The following PDGFRB variants were observed in gnomAD, a reference collection of about 807,000 sequenced individuals.
PDGFRB encodes the protein platelet-derived growth factor receptor beta.
In PDGFRB, 42 loss-of-function variants were observed where a neutral mutation model predicts 120.2. That is an observed-to-expected ratio of 0.35 (90% CI 0.27 to 0.45). PDGFRB has a LOEUF of 0.45. PDGFRB is among the 20% of genes least tolerant of loss of function. The probability of loss-of-function intolerance (pLI) is 1.00; values close to 1 mark genes in which losing one functional copy is unlikely to be tolerated. For missense variants in PDGFRB, 1,149 were observed against 1,476.3 expected (o/e 0.78, Z 3.63); for synonymous variants, 586 against 606.8 (o/e 0.97, Z 0.50).
chr5:150,135,328 A>T (rs988587861), intron 3 of PDGFRB, among the ~76,000 whole-genome samples: 1 of 152,140 alleles, frequency 6.6e-6, no homozygotes, highest in Non-Finnish European at 1.5e-5. Flanking sequence ...GAGAATATAG[A>T]GTTCTTGGGA....
At chr5:150,134,552 C>G (rs1445190636) in intron 4 of PDGFRB, among the ~76,000 whole-genome samples, 198 bp downstream of exon 4, 1 of 152,258 alleles carries the variant, frequency 6.6e-6, no homozygotes, top group African/African-American at 2.4e-5. Context: ...AATTCTGCGA[C>G]AGGGGACAAG....
intron 9 of PDGFRB, among the ~76,000 whole-genome samples, chr5:150,130,318 C>T (rs1161471105): frequency 6.6e-6 from 1 of 152,100 alleles, no homozygotes; most frequent in Non-Finnish European, 1.5e-5. Flanking sequence ...GGGGCTCAGA[C>T]CCTGCACTTT....
intron 22 of PDGFRB, among the ~76,000 whole-genome samples, chr5:150,116,348 C>G (rs180775370): frequency 1.1e-3 from 164 of 152,264 alleles, no homozygotes; most frequent in African/African-American, 3.8e-3. Context: ...CGTGGTGGCT[C>G]ACATCTGTAA....
At chr5:150,150,263 C>T (rs1761037134) in intron 1 of PDGFRB, among the ~76,000 whole-genome samples, 1 of 152,180 alleles carries the variant, frequency 6.6e-6, no homozygotes, top group Non-Finnish European at 1.5e-5. Context: ...AGCGTCATCA[C>T]CAATGATCTG....
At chr5:150,122,467 T>C (rs752930301) in intron 15 of PDGFRB, among the ~76,000 whole-genome samples, 6 of 152,228 alleles carry the variant, frequency 3.9e-5, no homozygotes, top group South Asian at 2.1e-4. Context: ...TCTGTCTCTA[T>C]AGGCAGGAAA....
At chr5:150,138,021 A>G (rs1164145490) in intron 1 of PDGFRB, among the ~76,000 whole-genome samples, 2 of 152,164 alleles carry the variant, frequency 1.3e-5, no homozygotes, top group Non-Finnish European at 2.9e-5. Context: ...AAAGACAGAG[A>G]CAGAAGCAAG....
At chr5:150,126,061 T>C (rs3756309) in intron 11 of PDGFRB, among the ~76,000 whole-genome samples, 43,360 of 152,178 alleles carry the variant, frequency 0.28, 6,293 homozygotes, top group Middle Eastern at 0.36. Flanking sequence ...TGAGGTGCTG[T>C]AATCCTGATT....
chr5:150,142,235 G>C (rs1428162663), intron 1 of PDGFRB, among the ~76,000 whole-genome samples: 1 of 152,140 alleles, frequency 6.6e-6, no homozygotes, highest in African/African-American at 2.4e-5. Context: ...GTGATCGGTG[G>C]GGCTGAAGCT....
Position 150,132,076 on chromosome 5 carries a change from T to C in PDGFRB, c.1146A>G (p.Thr382=), listed in dbSNP as rs746618549. ...VSETRYVSEL[T]LVRVKVAEAG... is the part of the protein sequence containing the mutation. ...CCTCTGCCACCTTCACGCGAACCAG[T>C]GTCAGCTCTGACACATACCTGGGGA... Residue 382 remains threonine (T), a synonymous_variant, in exon 8 of 23, where the codon ACA becomes ACG. Transcript: ENST00000261799. This position sits in a 1 kb window ranked among gnomAD's most constrained non-coding sequence, Gnocchi z 5.0. 2 of 1,602,738 alleles carry C rather than the reference T, an allele frequency of 1.2e-6. No homozygotes were observed. The highest frequency in any genetic ancestry group is 1.7e-5 in the Admixed American group (1 of 59,984).
In PDGFRB at chr5:150,133,189, T is replaced by A. The variant is rs1482552704; in HGVS notation, c.935-247A>T. On this transcript the variant is annotated intron_variant, in intron 6 of 22. Transcript: ENST00000261799. ...TGTACTAACAGTTCTCTGTTCTGGG[T>A]CAGTACTGTGGCTGATGCTGGGACT... is the stretch of plus-strand genomic sequence containing the variant. 2.0e-5 allele frequency among the ~76,000 whole-genome samples: 3 copies of A among 152,308 alleles called. No homozygotes were observed. In the East Asian group the frequency reaches 5.8e-4, roughly 29 times the overall value.
chr5:150,137,939 G>A (rs548073009), intron 1 of PDGFRB, among the ~76,000 whole-genome samples: 2 of 151,954 alleles, frequency 1.3e-5, no homozygotes, highest in African/African-American at 2.4e-5. Flanking sequence ...AGCACCAGAG[G>A]CACTAAGAGA....
Position 150,126,047 on chromosome 5 carries a change from A to G in PDGFRB, c.1675-470T>C, listed in dbSNP as rs551949387. On this transcript the variant is annotated intron_variant, in intron 11 of 22. Coordinates refer to ENST00000261799, the MANE Select transcript of PDGFRB (RefSeq NM_002609.4). ...AGGACTGGAATTTTAGAAAGATGGG[A>G]TCATGAGGTGCTGTAATCCTGATTC... Among the ~76,000 whole-genome samples, 3 of 152,364 alleles carry G rather than the reference A, an allele frequency of 2.0e-5. No homozygotes were observed. In the East Asian group the frequency reaches 5.8e-4, roughly 29 times the overall value.
chr5:150,117,703 C>T lies in PDGFRB; in HGVS notation c.3052G>A (p.Asp1018Asn), dbSNP rs760849296. ...LYTAVQPNEG[D>N]NDYIIPLPDP... ...GGCAGGGGGATGATATAGTCGTTGT[C>T]ACCCTCATTGGGCTGCACGGCAGTA... The change falls in exon 22 of 23, where the codon GAC becomes AAC. Residue 1018 changes from aspartate (D) to asparagine (N), a missense_variant. Transcript: ENST00000261799. 1 of 1,613,876 alleles carries T rather than the reference C, an allele frequency of 6.2e-7. No individual in the cohort carries two copies. Among genetic ancestry groups the T allele is most frequent in the South Asian group, 1.1e-5 (1 of 91,072 alleles).
In PDGFRB at chr5:150,114,938, T is replaced by G; in HGVS notation, c.*825A>C. On this transcript the variant is annotated 3_prime_UTR_variant, in exon 23 of 23. Transcript: ENST00000261799. ...CGTGGCCACTCCACACTGGCACATTTACATTCTCATCACAGATGCGGGGCC... is the reference window on the plus strand; with the variant it reads ...CGTGGCCACTCCACACTGGCACATTGACATTCTCATCACAGATGCGGGGCC... 1 of 233,250 alleles carries G rather than the reference T, an allele frequency of 4.3e-6. No individual in the cohort carries two copies. Among genetic ancestry groups the G allele is most frequent in the Non-Finnish European group, 8.5e-6 (1 of 118,070 alleles). The allele number at this position is 233,250 out of a possible 1,614,324, so 14.4% of individuals were successfully genotyped here.
intron 22 of PDGFRB, among the ~76,000 whole-genome samples, chr5:150,116,853 A>T (rs1480920855): frequency 6.6e-6 from 1 of 152,162 alleles, no homozygotes; most frequent in Admixed American, 6.5e-5. Context: ...CTCCTGGCAC[A>T]TATGGAGAAA....
At chr5:150,125,420 C>T (rs764930927) in intron 12 of PDGFRB, 25 bp downstream of exon 12, 2 of 1,595,446 alleles carry the variant, frequency 1.3e-6, no homozygotes, top group Admixed American at 3.4e-5. Flanking sequence ...CCCCACACTG[C>T]CACATGAGGC....
intron 10 of PDGFRB, among the ~76,000 whole-genome samples, chr5:150,127,944 C>T (rs1375458512): frequency 6.6e-6 from 1 of 151,802 alleles, no homozygotes; most frequent in African/African-American, 2.4e-5. Flanking sequence ...CATGACTCTA[C>T]CTCTGCTTCC....
intron 1 of PDGFRB, among the ~76,000 whole-genome samples, chr5:150,149,117 C>T (rs1045799240): frequency 6.6e-6 from 1 of 152,204 alleles, no homozygotes; most frequent in Non-Finnish European, 1.5e-5. Flanking sequence ...TAGCTGCTGG[C>T]TTGGCAGGGC....
chr5:150,129,191 A>G (rs1400630856), intron 10 of PDGFRB, among the ~76,000 whole-genome samples: 2 of 152,246 alleles, frequency 1.3e-5, no homozygotes, highest in Non-Finnish European at 2.9e-5. Context: ...GGAATTGTAC[A>G]TGCATTGCTT....
Sources: allele counts gnomAD v4.1 joint callset (sites outside exome capture counted in the v4.1 genomes callset), GRCh38; gene constraint gnomAD v4.1.1; non-coding constraint Gnocchi (gnomAD v3.1); transcripts MANE v1.5; gene names NCBI Gene and HGNC (gene_info 2026-07-23, HGNC 2026-07-21).